The following AFF2 variants were observed in gnomAD, a reference collection of about 807,000 sequenced individuals.
The protein encoded by AFF2 is AF4/FMR2 family member 2.
A neutral mutation model predicts 76.9 loss-of-function variants in AFF2; 14 were observed. The ratio of observed to expected loss-of-function variants is 0.18; its 90% CI spans 0.12 to 0.28. The LOEUF is 0.28. Among genes scored for constraint, AFF2 ranks in the 10% least tolerant of loss-of-function variants. The probability of loss-of-function intolerance (pLI) is 1.00; values close to 1 mark genes in which losing one functional copy is unlikely to be tolerated. For missense variants in AFF2, 868 were observed against 1,001.1 expected, an observed-to-expected ratio of 0.87 and a Z score of 1.79; for synonymous variants, 398 against 366.7, an observed-to-expected ratio of 1.09 and a Z score of -0.98.
intron 9 of AFF2, 41 bp downstream of exon 9, chrX:148,904,299 C>T (rs371484206): frequency 2.5e-5 from 20 of 791,325 alleles, no homozygotes; most frequent in African/African-American, 6.2e-5. Context: ...TTAATTTTAA[C>T]GGACTCGATG....
intron 3 of AFF2, among the ~76,000 whole-genome samples, chrX:148,780,922 C>T (rs1557269037): frequency 2.7e-5 from 3 of 111,847 alleles, no homozygotes; most frequent in Non-Finnish European, 5.6e-5. Context: ...TGGTGAACTT[C>T]GGATGGAGTT....
rs151339705 is a variant in AFF2, at chrX:148,985,285, C to CTTTTTTTTTTTTTTT, written c.3624-2062_3624-2048dup. Among the ~76,000 whole-genome samples, 15 of 15,383 alleles carry CTTTTTTTTTTTTTTT rather than the reference C, an allele frequency of 9.8e-4. 6 individuals carry two copies. The highest frequency in any genetic ancestry group is 1.3e-3 in the Non-Finnish European group (11 of 8,459). The allele number at this position is 15,383 out of a possible 115,157, so 13.4% of individuals were successfully genotyped here. A position where few individuals can be genotyped will look rare whatever the true frequency, so the allele number is the denominator to read the frequency against. On this transcript the variant is annotated intron_variant, in intron 19 of 20. Coordinates refer to ENST00000370460, the MANE Select transcript of AFF2 (RefSeq NM_002025.4). ...ACAGGCATGAGCCCCTGTGCCTGGC[C>CTTTTTTTTTTTTTTT]TTTTTTTTTTTTTTTTTTTTTTTTT... is the stretch of plus-strand genomic sequence containing the variant.
At chrX:148,723,410 G>A (rs2124543904) in intron 3 of AFF2, among the ~76,000 whole-genome samples, 1 of 111,597 alleles carries the variant, frequency 9.0e-6, no homozygotes, top group East Asian at 2.8e-4. Context: ...CATTTGGCAG[G>A]GATCATGTGA....
At chrX:148,968,711 G>C (rs1348572885) in intron 15 of AFF2, among the ~76,000 whole-genome samples, 3 of 111,910 alleles carry the variant, frequency 2.7e-5, no homozygotes, top group Non-Finnish European at 5.6e-5. Context: ...CCCCACTGTG[G>C]TACAAATTGC....
chrX:148,960,096 G>A (rs1216425444), intron 12 of AFF2, among the ~76,000 whole-genome samples: 1 of 112,947 alleles, frequency 8.9e-6, no homozygotes, highest in Non-Finnish European at 1.9e-5. Context: ...AGGTCTGAGG[G>A]GAGTGTGTGG....
At chrX:148,895,048 A>G (rs1243847969) in intron 8 of AFF2, among the ~76,000 whole-genome samples, 1 of 110,994 alleles carries the variant, frequency 9.0e-6, no homozygotes, top group Non-Finnish European at 1.9e-5. Context: ...CCCTTCCCCA[A>G]GTTCTGGCCA....
In AFF2 at chrX:148,789,795, T is replaced by A. The variant is rs1367958780; in HGVS notation, c.1042-20081T>A. On this transcript the variant is annotated intron_variant, in intron 3 of 20. Transcript: ENST00000370460. ...TTTCTCTTGGCATTGTTAATCGGTA[T>A]AATCAATACATTTTATCTCAATTTA... 2.7e-5 allele frequency among the ~76,000 whole-genome samples: 3 copies of A among 111,956 alleles called. No homozygotes were observed. In the East Asian group the frequency reaches 8.4e-4, roughly 31 times the overall value.
intron 3 of AFF2, among the ~76,000 whole-genome samples, chrX:148,747,144 C>T (rs1422969039): frequency 1.8e-5 from 2 of 111,732 alleles, no homozygotes; most frequent in African/African-American, 6.5e-5. Context: ...ACCAAGACTC[C>T]TCATGAACTC....
At position 148,717,316 on chromosome X, in the gene AFF2, C is replaced by T. The variant is rs182161606; in HGVS notation, c.1041+54548C>T. On this transcript the variant is annotated intron_variant, in intron 3 of 20. Transcript: ENST00000370460. ...TAACTGAAAGAGGTTTGAAACAAAACGTCACATATATTATTTCATTAATAT... is the reference window on the plus strand; with the variant it reads ...TAACTGAAAGAGGTTTGAAACAAAATGTCACATATATTATTTCATTAATAT... Among the ~76,000 whole-genome samples, 104 of 112,062 alleles carry T rather than the reference C, an allele frequency of 9.3e-4. 2 individuals are homozygous for T. Among genetic ancestry groups the T allele is most frequent in the African/African-American group, 2.9e-3 (89 of 30,880 alleles).
At chrX:148,871,492 A>C (rs1557277355) in intron 7 of AFF2, among the ~76,000 whole-genome samples, 1 of 111,636 alleles carries the variant, frequency 9.0e-6, no homozygotes, top group Non-Finnish European at 1.9e-5. Context: ...ATGAATTCAT[A>C]TATAACATGA....
intron 20 of AFF2, among the ~76,000 whole-genome samples, chrX:148,990,515 G>A (rs1024640): frequency 0.035 from 3,945 of 112,499 alleles, 169 homozygotes; most frequent in African/African-American, 0.12. Flanking sequence ...TAAGGCAGAC[G>A]TTCCAAAACT....
chrX:148,887,909 C>G lies in AFF2; in HGVS notation c.1359+1924C>G, dbSNP rs782741277. Among the ~76,000 whole-genome samples the G allele has an allele frequency of 6.2e-5, 7 of 112,290 alleles. No homozygotes were observed. In the South Asian group the frequency reaches 2.6e-3, roughly 41 times the overall value. ...TTACAAGGCCTGGAAGGCTATAGAC[C>G]AAAAGAGAATGCTTGTGCAGTAGTG... On this transcript the variant is annotated intron_variant, in intron 8 of 20. Coordinates refer to ENST00000370460, the MANE Select transcript of AFF2 (RefSeq NM_002025.4).
chrX:148,589,934 G>T (rs782813331), intron 1 of AFF2, among the ~76,000 whole-genome samples: 1 of 106,134 alleles, frequency 9.4e-6, no homozygotes, highest in South Asian at 4.7e-4. Context: ...AGAAATGGAA[G>T]TAGGTAAAAC....
At chrX:148,761,458 G>GTTTT (rs201228384) in intron 3 of AFF2, among the ~76,000 whole-genome samples, 3 of 83,727 alleles carry the variant, frequency 3.6e-5, no homozygotes, top group African/African-American at 1.8e-4. Flanking sequence ...CTGTCCTCCA[G>GTTTT]TTTTTTTTGT....
intron 7 of AFF2, among the ~76,000 whole-genome samples, chrX:148,856,050 G>A (rs891090108): frequency 4.5e-5 from 5 of 111,434 alleles, no homozygotes; most frequent in African/African-American, 1.3e-4. Context: ...TCCAGTTGGA[G>A]AAAGACCTCT....
intron 12 of AFF2, among the ~76,000 whole-genome samples, chrX:148,960,640 T>C (rs189239396): frequency 1.8e-5 from 2 of 112,475 alleles, no homozygotes; most frequent in African/African-American, 6.4e-5. Flanking sequence ...TGTGCCTTAT[T>C]AACCTTTCAA....
At chrX:148,568,658 C>A (rs1557242075) in intron 1 of AFF2, among the ~76,000 whole-genome samples, 1 of 111,690 alleles carries the variant, frequency 9.0e-6, no homozygotes, top group Non-Finnish European at 1.9e-5. Flanking sequence ...TGTAAATAAT[C>A]CAGTATATTG....
chrX:148,553,929 T>C (rs1569551171), intron 1 of AFF2, among the ~76,000 whole-genome samples: 1 of 111,317 alleles, frequency 9.0e-6, no homozygotes, highest in Non-Finnish European at 1.9e-5. Flanking sequence ...AGGTAGCCTA[T>C]GGTTAGAGGA....
intron 1 of AFF2, among the ~76,000 whole-genome samples, chrX:148,526,363 CTTG>C (rs2052659147): frequency 1.2e-5 from 1 of 85,649 alleles, no homozygotes; most frequent in African/African-American, 4.5e-5. Context: ...ACAATACAAT[CTTG>C]TTTTTTTTTT....
Sources: gnomAD v4.1 joint callset for allele counts (sites outside exome capture counted in the v4.1 genomes callset) on GRCh38, gnomAD v4.1.1 for gene constraint, MANE v1.5 for transcripts, NCBI Gene and HGNC (gene_info 2026-07-23, HGNC 2026-07-21) for gene names.